CPT1B: variants seen among roughly 807,000 people sequenced by gnomAD.
CPT1B encodes the protein carnitine palmitoyltransferase 1B.
In CPT1B, 57 loss-of-function variants were observed where a neutral mutation model predicts 92.7. The ratio of observed to expected loss-of-function variants is 0.62; its 90% confidence interval spans 0.50 to 0.77. CPT1B has a LOEUF of 0.77. Ranked by LOEUF, CPT1B falls within the 30% of genes least tolerant of loss-of-function variation. The pLI is 0.00. For missense variants in CPT1B, 983 were observed against 1,017.4 expected (o/e 0.97, Z 0.46); for synonymous variants, 398 against 383.5 (o/e 1.04, Z -0.44).
At position 50,576,098 on chromosome 22, in the gene CPT1B, C is replaced by T. The variant is rs747636429; in HGVS notation, c.714G>A (p.Trp238Ter). 1 of 1,614,012 alleles carries T rather than the reference C, an allele frequency of 6.2e-7. No homozygotes were observed. The highest frequency in any genetic ancestry group is 8.5e-7 in the Non-Finnish European group (1 of 1,180,032). The change falls in exon 7 of 20, where the codon TGG (tryptophan) becomes TGA (stop). Residue 238 changes from tryptophan (W) to a stop codon, truncating the protein, a stop_gained. Coordinates refer to ENST00000312108, the MANE Select transcript of CPT1B (RefSeq NM_152246.3). LOFTEE classifies it high-confidence loss of function. Reference sequence around the variant, plus strand: ...TGCCTCGAAGGTAGATGTACTCTTCCCACCAGTCACTCACCTGTGGGGAGG... The same window carrying T: ...TGCCTCGAAGGTAGATGTACTCTTCTCACCAGTCACTCACCTGTGGGGAGG... The part of the protein sequence containing the change: ...WWASNYVSDW[W>*]EEYIYLRGRS...
rs1803460 is a variant in CPT1B at position 50,569,341 on chromosome 22, G to T, written c.2316C>A (p.Ser772Arg). 1 of 1,614,006 alleles carries T rather than the reference G, an allele frequency of 6.2e-7. No homozygotes were observed. Among genetic ancestry groups the T allele is most frequent in the Non-Finnish European group, 8.5e-7 (1 of 1,179,938 alleles). ...ADLFQVPKAY[S>R] ...GCAGCTGGCATTTCTCCAACCTTCA[G>T]CTGTAGGCCTTGGGAACTTGGAAAA... is the stretch of plus-strand genomic sequence containing the variant. The change falls in exon 19 of 20, where the codon AGC becomes AGA. Residue 772 changes from serine (S) to arginine (R), a missense_variant. By Grantham distance (110) the Ser-to-Arg change is moderately radical. Coordinates refer to ENST00000312108, the MANE Select transcript of CPT1B (RefSeq NM_152246.3).
Position 50,577,030 on chromosome 22 carries a change from C to T in CPT1B, c.286G>A (p.Gly96Ser), listed in dbSNP as rs762186101. The change falls in exon 4 of 20, where the codon GGC becomes AGC. Residue 96 changes from glycine (G) to serine (S), a missense_variant. By Grantham distance (56) the Gly-to-Ser change is moderately conservative. Coordinates refer to ENST00000312108, the MANE Select transcript of CPT1B (RefSeq NM_152246.3). ...CIQRCLPQGCGPYQTPQTRAL... is the reference protein window; with the variant it reads ...CIQRCLPQGCSPYQTPQTRAL... The stretch of plus-strand genomic sequence containing the variant: ...CGGGTCTGCGGGGTCTGGTAGGGGC[C>T]ACACCTATTGGAGAGGGGCAAGGGC... 1.2e-6 allele frequency: 2 copies of T among 1,613,902 alleles called. No homozygotes were observed. The highest frequency in any genetic ancestry group is 1.7e-6 in the Non-Finnish European group (2 of 1,179,974).
chr22:50,570,156 G>A, intron 17 of CPT1B, 137 bp downstream of exon 17: 1 of 618,572 alleles, frequency 1.6e-6, no homozygotes, highest in Non-Finnish European at 2.7e-6. Flanking sequence ...CTAACATTCT[G>A]CTTCCATGCA....
rs1275087159 is a variant in CPT1B, at chr22:50,576,649, G to C, written c.460-12C>G. On this transcript the variant is annotated splice_polypyrimidine_tract_variant and intron_variant, in intron 4 of 19. Coordinates refer to ENST00000312108, the MANE Select transcript of CPT1B (RefSeq NM_152246.3). Reference sequence around the variant, plus strand: ...AGGCGGATACACATCTGGGGGTACAGAGCAGAGTGCTGGGGTGGGAGCCAG... The same window carrying C: ...AGGCGGATACACATCTGGGGGTACACAGCAGAGTGCTGGGGTGGGAGCCAG... 2 of 1,609,740 alleles carry C rather than the reference G, an allele frequency of 1.2e-6. No homozygotes were observed. The highest frequency in any genetic ancestry group is 8.5e-7 in the Non-Finnish European group (1 of 1,177,796).
In CPT1B at chr22:50,569,458, T is replaced by G. The variant is rs768151366; in HGVS notation, c.2236-37A>C. On this transcript the variant is annotated intron_variant, in intron 18 of 19. Transcript: ENST00000312108. Reference sequence around the variant, plus strand: ...AAGAGTTCAGATGCACCTTCAGATATGTACCCACCCCTCTGTTCCCACAAG... The same window carrying G: ...AAGAGTTCAGATGCACCTTCAGATAGGTACCCACCCCTCTGTTCCCACAAG... 4.3e-6 allele frequency: 7 copies of G among 1,611,892 alleles called. No homozygotes were observed. In the South Asian group the frequency reaches 5.5e-5, roughly 13 times the overall value.
intron 2 of CPT1B, 104 bp downstream of exon 2, chr22:50,577,671 C>T: frequency 2.0e-6 from 3 of 1,511,214 alleles, no homozygotes; most frequent in African/African-American, 1.4e-5. Flanking sequence ...CAACCTGTAC[C>T]GGGCAGAAGT....
At chr22:50,571,346 C>G in intron 14 of CPT1B, 29 bp downstream of exon 14, 1 of 1,613,760 alleles carries the variant, frequency 6.2e-7, no homozygotes, top group Non-Finnish European at 8.5e-7. Flanking sequence ...CCACCCTGCC[C>G]TCTCAGCAGC....
intron 11 of CPT1B, among the ~76,000 whole-genome samples, chr22:50,572,511 G>A (rs1368388546): frequency 6.6e-6 from 1 of 151,626 alleles, no homozygotes; most frequent in Non-Finnish European, 1.5e-5. Flanking sequence ...TAACCTCCCG[G>A]GTTCAAGGGC....
rs778539822 is a variant in CPT1B at position 50,573,675 on chromosome 22, G to A, written c.1011C>T (p.Val337=). ...QHLSDSRHVA[V]YHKGRFFKLW... is the part of the protein sequence containing the mutation. ...GCTTGAAGAAGCGTCCCTTGTGGTAGACAGCCACGTGCCGGCTGTCTGAGA... is the reference window on the plus strand; with the variant it reads ...GCTTGAAGAAGCGTCCCTTGTGGTAAACAGCCACGTGCCGGCTGTCTGAGA... Residue 337 remains valine (V), a synonymous_variant, in exon 10 of 20, where the codon GTC becomes GTT. Coordinates refer to ENST00000312108, the MANE Select transcript of CPT1B (RefSeq NM_152246.3). The surrounding 1 kb of genome is among the most constrained non-coding windows in gnomAD (Gnocchi z 5.0). 44 of 1,613,152 alleles carry A rather than the reference G, an allele frequency of 2.7e-5. No homozygotes were observed. Among genetic ancestry groups the A allele is most frequent in the Non-Finnish European group, 3.6e-5 (43 of 1,179,948 alleles).
At position 50,577,784 on chromosome 22, in the gene CPT1B, G is replaced by T; in HGVS notation, c.132C>A (p.Ile44=). 1.2e-6 allele frequency: 2 copies of T among 1,613,818 alleles called. No individual in the cohort carries two copies. Among genetic ancestry groups the T allele is most frequent in the Non-Finnish European group, 1.7e-6 (2 of 1,179,824 alleles). Residue 44 remains isoleucine, a synonymous_variant, in exon 2 of 20, where the codon ATC becomes ATA. Coordinates refer to ENST00000312108, the MANE Select transcript of CPT1B (RefSeq NM_152246.3). ...SGINSWKKRL[I]RIKNGILRGV... Reference sequence around the variant, plus strand: ...AAGCACCTGTGCGCACCTTGATGCGGATCAGGCGTTTCTTCCAGGAGTTGA... The same window carrying T: ...AAGCACCTGTGCGCACCTTGATGCGTATCAGGCGTTTCTTCCAGGAGTTGA...
chr22:50,571,049 G>A lies in CPT1B; in HGVS notation c.1876-6C>T, dbSNP rs769210121. 28 of 1,613,678 alleles carry A rather than the reference G, an allele frequency of 1.7e-5. No homozygotes were observed. The highest frequency in any genetic ancestry group is 2.2e-5 in the Non-Finnish European group (26 of 1,179,844). On this transcript the variant is annotated splice_region_variant and splice_polypyrimidine_tract_variant and intron_variant, in intron 15 of 19. Transcript: ENST00000312108. ...AGATCTCGCAGGTCTGCTTTCTGCGGGGCAGAAGTAAAGGGGTGAAGAGTA... is the reference window on the plus strand; with the variant it reads ...AGATCTCGCAGGTCTGCTTTCTGCGAGGCAGAAGTAAAGGGGTGAAGAGTA...
At chr22:50,571,773 C>T (rs535369977) in intron 13 of CPT1B, 1 of 644,176 alleles carries the variant, frequency 1.6e-6, no homozygotes, top group African/African-American at 1.8e-5. Context: ...GTGAGTGCCT[C>T]CTCCATCTCA....
Position 50,570,403 on chromosome 22 carries a change from G to A in CPT1B, c.2032C>T (p.Leu678Phe). The change falls in exon 17 of 20, where the codon CTC becomes TTC. Residue 678 changes from leucine (L) to phenylalanine (F), a missense_variant. Physicochemically the swap from Leu to Phe is conservative, Grantham distance 22. Coordinates refer to ENST00000312108, the MANE Select transcript of CPT1B (RefSeq NM_152246.3). ...GVSSPFLAEV[L>F]SEPWRLSTSQ... is the part of the protein sequence containing the mutation. ...GTGGAGAGACGCCAGGGTTCCGAGAGCACCTGCAATGGAGGCCACAGCTGG... is the reference window on the plus strand; with the variant it reads ...GTGGAGAGACGCCAGGGTTCCGAGAACACCTGCAATGGAGGCCACAGCTGG... The A allele has an allele frequency of 6.3e-7, 1 of 1,593,174 alleles. No homozygotes were observed. Among genetic ancestry groups the A allele is most frequent in the Non-Finnish European group, 8.6e-7 (1 of 1,168,564 alleles).
intron 19 of CPT1B, 67 bp from the exon 20 acceptor site, chr22:50,569,148 C>T (rs980617095): frequency 9.2e-6 from 5 of 545,306 alleles, no homozygotes; most frequent in African/African-American, 1.9e-5. Flanking sequence ...TCAAAATTCC[C>T]TTCCTGCTCC....
chr22:50,574,739 G>C, intron 7 of CPT1B, 139 bp from the exon 8 acceptor site: 1 of 665,602 alleles, frequency 1.5e-6, no homozygotes, highest in Non-Finnish European at 2.7e-6. Context: ...TGCTGCCGGG[G>C]TGAACCTCCA....
chr22:50,571,697 C>G (rs1428811648), intron 13 of CPT1B, among the ~76,000 whole-genome samples, 158 bp from the exon 14 acceptor site: 2 of 152,216 alleles, frequency 1.3e-5, no homozygotes, highest in Admixed American at 1.3e-4. Context: ...GAGGGAGAAT[C>G]AGCCCCCAGA....
Position 50,577,918 on chromosome 22 carries a change from TG to T in CPT1B, c.-4del. 1 of 1,607,060 alleles carries T rather than the reference TG, an allele frequency of 6.2e-7. No individual in the cohort carries two copies. The highest frequency in any genetic ancestry group is 1.1e-5 in the South Asian group (1 of 91,020). ...ACGGCCTGGTGAGCTTCCGCCATCC[TG>T]GGGGTTGGTCGGCACCTAGGACGGG... On this transcript the variant is annotated 5_prime_UTR_variant, in exon 2 of 20. Transcript: ENST00000312108.
rs470117 is a variant in CPT1B, at chr22:50,571,524, C to T, written c.1591G>A (p.Glu531Lys). Residue 531 changes from glutamate (E) to lysine (K), a missense_variant, in exon 14 of 20, where the codon GAG (glutamate) becomes AAG (lysine). By Grantham distance (56) the Glu-to-Lys change is moderately conservative. Transcript: ENST00000312108. ...GCCTTGGCCACCTGGTAGGAACTCT[C>T]GATGACCGCCTGGCACTGCCAAGAC... The part of the protein sequence containing the change: ...DIPKQCQAVI[E>K]SSYQVAKALA... 711,579 of 1,612,312 alleles carry T rather than the reference C, an allele frequency of 0.44. 161,958 individuals are homozygous for T. The highest frequency in any genetic ancestry group is 0.47 in the Non-Finnish European group (551,956 of 1,179,820).
intron 2 of CPT1B, 99 bp from the exon 3 acceptor site, chr22:50,577,562 T>C: frequency 6.6e-7 from 1 of 1,512,314 alleles, no homozygotes; most frequent in Non-Finnish European, 8.9e-7. Context: ...CCTGGAAGGC[T>C]TTCTCTCCTG....
Sources: gnomAD v4.1 joint callset for allele counts (sites outside exome capture counted in the v4.1 genomes callset) on GRCh38, gnomAD v4.1.1 for gene constraint, Gnocchi (gnomAD v3.1) non-coding constraint, MANE v1.5 for transcripts, NCBI Gene and HGNC (gene_info 2026-07-23, HGNC 2026-07-21) for gene names.